The following MYBPC1 variants were observed in gnomAD, a reference collection of about 807,000 sequenced individuals.
The protein encoded by MYBPC1 is myosin binding protein C1.
A neutral mutation model predicts 147.1 loss-of-function variants in MYBPC1; 52 were observed. The ratio of observed to expected loss-of-function variants is 0.35; its 90% CI spans 0.28 to 0.45. The LOEUF is 0.45. Ranked by LOEUF, MYBPC1 falls within the 20% of genes least tolerant of loss-of-function variation. The pLI, the probability that MYBPC1 is intolerant of heterozygous loss-of-function variation, is 1.00. For missense variants in MYBPC1, 1,228 were observed against 1,440.3 expected, an observed-to-expected ratio of 0.85 and a Z score of 2.39; for synonymous variants, 477 against 475.9, an observed-to-expected ratio of 1.00 and a Z score of -0.03.
At chr12:101,661,394 A>C (rs1347412946) in intron 20 of MYBPC1, 132 bp downstream of exon 20, 3 of 661,356 alleles carry the variant, frequency 4.5e-6, no homozygotes, top group Non-Finnish European at 8.3e-6. Context: ...ATGCATTCAA[A>C]ATGAAATATA....
chr12:101,671,323 A>ACACACACACACACACT (rs1254264747), intron 24 of MYBPC1, among the ~76,000 whole-genome samples: 1 of 91,052 alleles, frequency 1.1e-5, no homozygotes, highest in South Asian at 3.9e-4. Flanking sequence ...ACACACACAC[A>ACACACACACACACACT]CACACACACA....
chr12:101,677,196 A>T, intron 26 of MYBPC1, 39 bp from the exon 27 acceptor site: 1 of 1,586,762 alleles, frequency 6.3e-7, no homozygotes. Context: ...GTATACTTTT[A>T]GGTGATTTTC....
intron 13 of MYBPC1, among the ~76,000 whole-genome samples, chr12:101,647,506 G>A (rs1407891972): frequency 6.6e-6 from 1 of 152,166 alleles, no homozygotes; most frequent in Non-Finnish European, 1.5e-5. Flanking sequence ...ATTTGACTTG[G>A]AGAACTGTGA....
downstream of MYBPC1, among the ~76,000 whole-genome samples, chr12:101,689,613 A>G (rs1951389859): frequency 6.6e-6 from 1 of 152,164 alleles, no homozygotes; most frequent in Non-Finnish European, 1.5e-5. Context: ...GGGAATGGAA[A>G]GGGAAAAGAG....
chr12:101,681,860 T>G (rs541408377), intron 29 of MYBPC1, among the ~76,000 whole-genome samples: 26 of 151,848 alleles, frequency 1.7e-4, no homozygotes, highest in African/African-American at 6.0e-4. Flanking sequence ...CCATCTGCCT[T>G]GGCCTCTCAA....
chr12:101,598,624 A>G (rs1878490983), intron 1 of MYBPC1, among the ~76,000 whole-genome samples: 1 of 152,056 alleles, frequency 6.6e-6, no homozygotes, highest in South Asian at 2.1e-4. Context: ...CCCAGGCTGG[A>G]ATGCAGTGGT....
the MYBPC1 span, among the ~76,000 whole-genome samples, chr12:101,691,536 G>T: frequency 2.0e-5 from 3 of 152,204 alleles, no homozygotes; most frequent in Admixed American, 6.5e-5. Context: ...TGTTAAGGAA[G>T]ATTTGAAATA....
At chr12:101,628,890 C>T (rs886899639) in intron 5 of MYBPC1, 11 of 166,026 alleles carry the variant, frequency 6.6e-5, no homozygotes, top group Admixed American at 3.4e-4. Flanking sequence ...CCTTGTCAAA[C>T]TATGGCCACA....
chr12:101,673,106 C>A (rs1214739876), intron 24 of MYBPC1, among the ~76,000 whole-genome samples: 1 of 152,166 alleles, frequency 6.6e-6, no homozygotes. Flanking sequence ...GGAGACCCAG[C>A]TGGGAGACCT....
intron 1 of MYBPC1, among the ~76,000 whole-genome samples, chr12:101,609,402 C>A (rs1474384012): frequency 1.3e-5 from 2 of 152,054 alleles, no homozygotes; most frequent in African/African-American, 4.8e-5. Flanking sequence ...AGTGATCCTC[C>A]CACCTCAGCC....
intron 1 of MYBPC1, among the ~76,000 whole-genome samples, chr12:101,608,914 T>C (rs1179512603): frequency 1.3e-5 from 2 of 152,148 alleles, no homozygotes; most frequent in African/African-American, 2.4e-5. Context: ...ATAGTGTTCC[T>C]TGTGGGTAAC....
At chr12:101,690,658 A>G (rs1319378598), downstream of MYBPC1, among the ~76,000 whole-genome samples, 1 of 152,256 alleles carries the variant, frequency 6.6e-6, no homozygotes. Flanking sequence ...GTGTCTCTGA[A>G]GGAAATCAGT....
chr12:101,677,579 T>C (rs903099616), intron 27 of MYBPC1, among the ~76,000 whole-genome samples, 185 bp downstream of exon 27: 2 of 152,232 alleles, frequency 1.3e-5, no homozygotes, highest in Non-Finnish European at 2.9e-5. Flanking sequence ...TGTATTATTA[T>C]TGCATTTTTT....
At chr12:101,693,659 T>C in the MYBPC1 span, among the ~76,000 whole-genome samples, 3 of 152,192 alleles carry the variant, frequency 2.0e-5, no homozygotes, top group Admixed American at 6.5e-5. Flanking sequence ...GTGAATCACT[T>C]GAACCTGGGA....
At chr12:101,618,748 G>C (rs1028923139) in intron 3 of MYBPC1, among the ~76,000 whole-genome samples, 7 of 152,000 alleles carry the variant, frequency 4.6e-5, no homozygotes. Flanking sequence ...AAAGAGCAAG[G>C]CTAGATGACT....
rs777966485 is a variant in MYBPC1 at position 101,667,940 on chromosome 12, T to C, written c.2524+41T>C. The C allele has an allele frequency of 3.1e-6, 5 of 1,597,514 alleles. No individual in the cohort carries two copies. The South Asian group carries it at 5.6e-5, about 18-fold the overall frequency. On this transcript the variant is annotated intron_variant, in intron 23 of 31. Coordinates refer to ENST00000361466, the MANE Select transcript of MYBPC1 (RefSeq NM_002465.4). ...TTCAAAAGTTAGACTCCATTTTACA[T>C]GGTTCACTTTTTTTTTCTTCAAACT...
downstream of MYBPC1, among the ~76,000 whole-genome samples, chr12:101,687,225 C>T (rs1462012823): frequency 1.3e-5 from 2 of 151,870 alleles, no homozygotes; most frequent in South Asian, 2.1e-4. Flanking sequence ...CCTCCCCGCT[C>T]CCCCCACCCC....
At chr12:101,660,017 G>T in intron 19 of MYBPC1, 186 bp downstream of exon 19, 1 of 700,692 alleles carries the variant, frequency 1.4e-6, no homozygotes, top group Non-Finnish European at 2.4e-6. Flanking sequence ...TGGGGTTGCT[G>T]GTCATTAGCT....
chr12:101,660,398 G>T, intron 19 of MYBPC1: 1 of 169,222 alleles, frequency 5.9e-6, no homozygotes, highest in Non-Finnish European at 1.3e-5. Flanking sequence ...ATTCAGTTCT[G>T]CGGAAGTTCA....
Sources: gnomAD v4.1 joint callset for allele counts (sites outside exome capture counted in the v4.1 genomes callset) on GRCh38, gnomAD v4.1.1 for gene constraint, MANE v1.5 for transcripts, NCBI Gene and HGNC (gene_info 2026-07-23, HGNC 2026-07-21) for gene names.